The following TEAD1 variants were observed in gnomAD, a reference collection of about 807,000 sequenced individuals.
TEAD1 encodes TEA domain transcription factor 1.
Under a neutral mutation model 54.9 loss-of-function variants are expected in TEAD1, and 9 were observed. The observed-to-expected ratio is 0.16, with a 90% CI of 0.10 to 0.29. The LOEUF is 0.29. Ranked by LOEUF, TEAD1 falls within the 10% of genes least tolerant of loss-of-function variation. The pLI, the probability that TEAD1 is intolerant of heterozygous loss-of-function variation, is 1.00. For synonymous variants in TEAD1, 200 were observed against 187.8 expected (o/e 1.07, Z -0.53); for missense variants, 387 against 535.9 (o/e 0.72, Z 2.74).
At chr11:12,736,326 C>G (rs116202039) in intron 2 of TEAD1, among the ~76,000 whole-genome samples, 6 of 152,070 alleles carry the variant, frequency 3.9e-5, no homozygotes, top group Non-Finnish European at 8.8e-5. Context: ...ATTGCCCTAC[C>G]TAGAACAAAC....
At chr11:12,780,425 G>T (rs1161558962) in intron 3 of TEAD1, among the ~76,000 whole-genome samples, 1 of 151,840 alleles carries the variant, frequency 6.6e-6, no homozygotes, top group African/African-American at 2.4e-5. Flanking sequence ...TGTATTTTTA[G>T]TAGAGACATG....
Position 12,692,213 on chromosome 11 carries a change from A to G in TEAD1, c.-55+16652A>G, listed in dbSNP as rs117151150. Among the ~76,000 whole-genome samples, 146 of 152,292 alleles carry G rather than the reference A, an allele frequency of 9.6e-4. 1 individual carries two copies. The East Asian group carries it at 0.021, about 22-fold the overall frequency. ...CATGTTGGTGCATCATAGACTATGC[A>G]CTTAGGCCAACCACCCCCCAGTCCC... On this transcript the variant is annotated intron_variant, in intron 2 of 12. Coordinates refer to ENST00000527636, the MANE Select transcript of TEAD1 (RefSeq NM_021961.6).
intron 2 of TEAD1, among the ~76,000 whole-genome samples, chr11:12,756,660 A>G (rs928500611): frequency 6.6e-6 from 1 of 152,342 alleles, no homozygotes; most frequent in Middle Eastern, 3.4e-3. Flanking sequence ...AGCACTGCCT[A>G]CATCCTACTG....
chr11:12,830,741 A>G (rs546731686), intron 3 of TEAD1, among the ~76,000 whole-genome samples: 3 of 151,970 alleles, frequency 2.0e-5, no homozygotes, highest in Admixed American at 1.3e-4. Context: ...TATATTTGCA[A>G]TCACACACAC....
intron 5 of TEAD1, among the ~76,000 whole-genome samples, chr11:12,866,852 C>A (rs1947628427): frequency 6.6e-6 from 1 of 152,190 alleles, no homozygotes; most frequent in Non-Finnish European, 1.5e-5. Context: ...CAGTTAACAG[C>A]CAATATCCTG....
chr11:12,739,430 C>CA (rs1429126673), intron 2 of TEAD1, among the ~76,000 whole-genome samples: 12 of 152,180 alleles, frequency 7.9e-5, no homozygotes, highest in African/African-American at 2.9e-4. Flanking sequence ...GTCTATTAAA[C>CA]AAGAACTCTC....
At chr11:12,854,706 T>G (rs1257859019) in intron 3 of TEAD1, among the ~76,000 whole-genome samples, 1 of 151,872 alleles carries the variant, frequency 6.6e-6, no homozygotes, top group Non-Finnish European at 1.5e-5. Context: ...ATCCTCCTGC[T>G]TCAGCCTCCT....
chr11:12,933,727 T>G (rs1949052459), intron 12 of TEAD1, among the ~76,000 whole-genome samples: 2 of 152,152 alleles, frequency 1.3e-5, no homozygotes, highest in Admixed American at 1.3e-4. Flanking sequence ...CCTTTGTAAA[T>G]GTTATGTAAT....
At chr11:12,921,477 TTG>T (rs1948804959) in intron 10 of TEAD1, among the ~76,000 whole-genome samples, 1 of 147,642 alleles carries the variant, frequency 6.8e-6, no homozygotes, top group African/African-American at 2.5e-5. Context: ...GAGGCAGAGG[TTG>T]CGGTGAGCCA....
chr11:12,780,956 A>C (rs993069688), intron 3 of TEAD1, among the ~76,000 whole-genome samples: 4 of 152,234 alleles, frequency 2.6e-5, no homozygotes, highest in Admixed American at 6.5e-5. Context: ...AACTTACTAC[A>C]GAGCTACAGT....
chr11:12,927,238 T>A (rs763879294), intron 11 of TEAD1, among the ~76,000 whole-genome samples: 22 of 152,220 alleles, frequency 1.4e-4, no homozygotes, highest in Admixed American at 9.2e-4. Flanking sequence ...TGTCTGCATT[T>A]GGTGTGAAGT....
intron 3 of TEAD1, chr11:12,823,720 T>C (rs569137146): frequency 1.3e-5 from 2 of 152,354 alleles, no homozygotes; most frequent in Non-Finnish European, 1.5e-5. Context: ...TGGAGTTATG[T>C]TGGGGATATG....
intron 11 of TEAD1, 143 bp from the exon 12 acceptor site, chr11:12,930,031 A>T: frequency 3.4e-6 from 3 of 877,588 alleles, no homozygotes; most frequent in Middle Eastern, 2.6e-4. Flanking sequence ...GTTTTTTTTT[A>T]ATTAAGTAGA....
chr11:12,708,876 ATGTG>A (rs1943873222), intron 2 of TEAD1, among the ~76,000 whole-genome samples: 2 of 152,202 alleles, frequency 1.3e-5, no homozygotes, highest in South Asian at 2.1e-4. Context: ...TTCAATATAT[ATGTG>A]TGTATTGAGT....
At chr11:12,857,075 A>G (rs1947399113) in intron 3 of TEAD1, among the ~76,000 whole-genome samples, 1 of 152,190 alleles carries the variant, frequency 6.6e-6, no homozygotes, top group South Asian at 2.1e-4. Flanking sequence ...GCGCAGTGCA[A>G]ACTCCATGCC....
chr11:12,689,728 G>A (rs1943413876), intron 2 of TEAD1, among the ~76,000 whole-genome samples: 1 of 151,972 alleles, frequency 6.6e-6, no homozygotes, highest in Non-Finnish European at 1.5e-5. Context: ...GTACAGTAGA[G>A]GGCAATTGAA....
At chr11:12,886,611 A>G (rs1265482004) in intron 9 of TEAD1, among the ~76,000 whole-genome samples, 2 of 151,984 alleles carry the variant, frequency 1.3e-5, no homozygotes, top group Admixed American at 6.6e-5. Flanking sequence ...AATACCCAGT[A>G]TGTCAGGGGA....
At chr11:12,681,635 C>T (rs1257645257) in intron 2 of TEAD1, among the ~76,000 whole-genome samples, 1 of 152,236 alleles carries the variant, frequency 6.6e-6, no homozygotes, top group African/African-American at 2.4e-5. Context: ...GTAGGTGGCT[C>T]AGTGGAAGTC....
intron 2 of TEAD1, among the ~76,000 whole-genome samples, chr11:12,681,788 A>T (rs999510059): frequency 6.6e-6 from 1 of 152,124 alleles, no homozygotes; most frequent in South Asian, 2.1e-4. Flanking sequence ...GCGTGTTCTC[A>T]CTCACCTTTC....
Sources: gnomAD v4.1 joint callset for allele counts (sites outside exome capture counted in the v4.1 genomes callset) on GRCh38, gnomAD v4.1.1 for gene constraint, MANE v1.5 for transcripts, NCBI Gene and HGNC (gene_info 2026-07-23, HGNC 2026-07-21) for gene names.